Variants in CAMK1D observed in about 807,000 individuals in gnomAD.
CAMK1D encodes calcium/calmodulin-dependent protein kinase type 1D.
Under a neutral mutation model 47.7 loss-of-function variants are expected in CAMK1D, and 9 were observed. The ratio of observed to expected loss-of-function variants is 0.19; its 90% CI spans 0.11 to 0.33. The LOEUF is 0.33. Ranked by LOEUF, CAMK1D falls within the 10% of genes least tolerant of loss-of-function variation. CAMK1D has a pLI of 1.00. For synonymous variants in CAMK1D, 184 were observed against 184.9 expected (o/e 0.99, Z 0.04); for missense variants, 291 against 488.7 (o/e 0.60, Z 3.81).
intron 1 of CAMK1D, among the ~76,000 whole-genome samples, chr10:12,469,641 A>T (rs1467946350): frequency 6.6e-6 from 1 of 152,220 alleles, no homozygotes; most frequent in East Asian, 1.9e-4. Flanking sequence ...CTAATATCAT[A>T]AAAAGCTTTT....
chr10:12,499,093 A>C (rs1834625681), intron 1 of CAMK1D, among the ~76,000 whole-genome samples: 1 of 131,430 alleles, frequency 7.6e-6, no homozygotes, highest in African/African-American at 2.9e-5. Flanking sequence ...TTTTGCATCG[A>C]TATTGAACTT....
chr10:12,547,584 T>C (rs1420920854), intron 1 of CAMK1D, among the ~76,000 whole-genome samples: 1 of 151,872 alleles, frequency 6.6e-6, no homozygotes, highest in Non-Finnish European at 1.5e-5. Context: ...TTGGGGGAAG[T>C]CTTTATAGGT....
chr10:12,570,032 T>A (rs533433747), intron 2 of CAMK1D, among the ~76,000 whole-genome samples: 1 of 151,866 alleles, frequency 6.6e-6, no homozygotes, highest in African/African-American at 2.4e-5. Flanking sequence ...AAACCGCATC[T>A]CAACTAAAAA....
chr10:12,768,007 G>C (rs1836858899), intron 4 of CAMK1D, among the ~76,000 whole-genome samples: 2 of 152,136 alleles, frequency 1.3e-5, no homozygotes, highest in African/African-American at 4.8e-5. Context: ...CAAGTAGCTG[G>C]GATTACAGGC....
intron 2 of CAMK1D, among the ~76,000 whole-genome samples, chr10:12,659,337 T>C (rs1318254440): frequency 6.6e-6 from 1 of 152,044 alleles, no homozygotes; most frequent in Admixed American, 6.6e-5. Flanking sequence ...GCACGGAAAA[T>C]GGATAGGAAG....
At position 12,416,094 on chromosome 10, in the gene CAMK1D, G is replaced by A. The variant is rs1403823043; in HGVS notation, c.92+66184G>A. On this transcript the variant is annotated intron_variant, in intron 1 of 10. Transcript: ENST00000619168. The stretch of plus-strand genomic sequence containing the variant: ...TGATTGTGGGTTAGTCTTGTGCTAC[G>A]ACGTGCAGTATTTCAGAATAAAAGG... 4 of 152,096 alleles carry A rather than the reference G, an allele frequency of 2.6e-5. No individual in the cohort carries two copies. The East Asian group carries it at 5.8e-4, about 22-fold the overall frequency. 9.4% of individuals were successfully genotyped at this position (152,096 alleles called of 1,614,324 possible).
rs1212733154 is a variant in CAMK1D, at chr10:12,349,847, C to T, written c.29C>T (p.Ser10Phe). The T allele has an allele frequency of 1.3e-6, 2 of 1,533,248 alleles. No individual in the cohort carries two copies. The highest frequency in any genetic ancestry group is 1.4e-5 in the African/African-American group (1 of 69,508). The allele number at this position is 1,533,248 out of a possible 1,614,324, so 95.0% of individuals were successfully genotyped here. A position where few individuals can be genotyped will look rare whatever the true frequency, so the allele number is the denominator to read the frequency against. Residue 10 changes from serine to phenylalanine, a missense_variant, in exon 1 of 11, where the codon TCC (serine) becomes TTC (phenylalanine). By Grantham distance (155) the Ser-to-Phe change is radical (BLOSUM62 -2). This residue lies in a region of CAMK1D where 219 missense variants were observed against 424.3 expected (regional missense o/e 0.52). Coordinates refer to ENST00000619168, the MANE Select transcript of CAMK1D (RefSeq NM_153498.4). MARENGESS[S>F]SWKKQAEDIK... is the part of the protein sequence containing the mutation. ...GCCCGGGAGAACGGCGAGAGCAGCTCCTCCTGGAAAAAGCAAGCTGAAGAC... is the reference window on the plus strand; with the variant it reads ...GCCCGGGAGAACGGCGAGAGCAGCTTCTCCTGGAAAAAGCAAGCTGAAGAC...
rs1234644881 is a variant in CAMK1D at position 12,695,088 on chromosome 10, A to C, written c.299+28278A>C. Among the ~76,000 whole-genome samples the C allele has an allele frequency of 2.1e-5, 3 of 143,234 alleles. No homozygotes were observed. In the Admixed American group the frequency reaches 2.1e-4, roughly 10 times the overall value. 94.0% of individuals were successfully genotyped at this position (143,234 alleles called of 152,430 possible). ...GATACATAGGTAGATACATAGATAC[A>C]TAGATATAGGGTAGATTGATCCTAT... On this transcript the variant is annotated intron_variant, in intron 3 of 10. Coordinates refer to ENST00000619168, the MANE Select transcript of CAMK1D (RefSeq NM_153498.4).
At chr10:12,803,655 A>C (rs1838582831) in intron 6 of CAMK1D, among the ~76,000 whole-genome samples, 1 of 151,744 alleles carries the variant, frequency 6.6e-6, no homozygotes, top group Admixed American at 6.6e-5. Flanking sequence ...ACTCCATCTC[A>C]AAAATAATAA....
intron 1 of CAMK1D, among the ~76,000 whole-genome samples, chr10:12,429,383 A>G (rs1840364178): frequency 6.6e-6 from 1 of 151,984 alleles, no homozygotes; most frequent in Admixed American, 6.6e-5. Context: ...TTTGTCACCC[A>G]GGCTGGAGTG....
rs1318195559 is a variant in CAMK1D at position 12,828,976 on chromosome 10, C to T, written c.*89C>T. The T allele has an allele frequency of 5.5e-6, 5 of 904,148 alleles. No homozygotes were observed. In the African/African-American group the frequency reaches 8.5e-5, roughly 15 times the overall value. The allele number at this position is 904,148 out of a possible 1,614,324, so 56.0% of individuals were successfully genotyped here. Reference sequence around the variant, plus strand: ...CGCGAGCCACTCCAGCGAGACCCCACCTTGCATGGTGCCCCTTCCTGCATA... The same window carrying T: ...CGCGAGCCACTCCAGCGAGACCCCATCTTGCATGGTGCCCCTTCCTGCATA... On this transcript the variant is annotated 3_prime_UTR_variant, in exon 11 of 11. Transcript: ENST00000619168.
chr10:12,355,869 G>C (rs1405318195), intron 1 of CAMK1D, among the ~76,000 whole-genome samples: 1 of 152,214 alleles, frequency 6.6e-6, no homozygotes, highest in Non-Finnish European at 1.5e-5. Flanking sequence ...GGGCAAAGAA[G>C]GGAAAGGAAC....
intron 1 of CAMK1D, among the ~76,000 whole-genome samples, chr10:12,485,657 C>T (rs950428570): frequency 4.6e-5 from 7 of 152,192 alleles, no homozygotes; most frequent in African/African-American, 1.7e-4. Context: ...CCGCTCAAAA[C>T]TCTAATTCAG....
rs1334614122 is a variant in CAMK1D at position 12,749,570 on chromosome 10, G to GTTT, written c.300-11377_300-11375dup. Reference sequence around the variant, plus strand: ...TTGTTTTTTGTTTGTTTGTTTGTTTGTTTGTTTTGATGAAGTCTCGCTCTG... The same window carrying GTTT: ...TTGTTTTTTGTTTGTTTGTTTGTTTGTTTTTTGTTTTGATGAAGTCTCGCTCTG... On this transcript the variant is annotated intron_variant, in intron 3 of 10. Transcript: ENST00000619168. Among the ~76,000 whole-genome samples, 141 of 119,416 alleles carry GTTT rather than the reference G, an allele frequency of 1.2e-3. 1 individual carries two copies. Among genetic ancestry groups the GTTT allele is most frequent in the African/African-American group, 4.9e-3 (138 of 28,098 alleles). The allele number at this position is 119,416 out of a possible 152,430, so 78.3% of individuals were successfully genotyped here.
intron 1 of CAMK1D, among the ~76,000 whole-genome samples, chr10:12,406,632 A>G (rs2131930737): frequency 6.7e-6 from 1 of 148,166 alleles, no homozygotes; most frequent in Admixed American, 6.9e-5. Context: ...CTGAGGCACA[A>G]GAATTGGTTG....
chr10:12,635,932 A>G (rs181391838), intron 2 of CAMK1D, among the ~76,000 whole-genome samples: 24 of 152,356 alleles, frequency 1.6e-4, no homozygotes, highest in Non-Finnish European at 2.8e-4. Context: ...CAAGAAAACT[A>G]TCCTATTTAA....
chr10:12,809,340 A>G (rs180990437), intron 6 of CAMK1D, among the ~76,000 whole-genome samples: 1 of 152,228 alleles, frequency 6.6e-6, no homozygotes, highest in East Asian at 1.9e-4. Flanking sequence ...TCTATGGAAA[A>G]CAGTGTGGCA....
intron 1 of CAMK1D, among the ~76,000 whole-genome samples, chr10:12,451,445 G>T (rs1239164146): frequency 6.6e-6 from 1 of 152,162 alleles, no homozygotes; most frequent in Non-Finnish European, 1.5e-5. Context: ...CTTCACTCTT[G>T]CCCTCTTCTT....
At chr10:12,599,050 T>C (rs1284585792) in intron 2 of CAMK1D, among the ~76,000 whole-genome samples, 1 of 152,172 alleles carries the variant, frequency 6.6e-6, no homozygotes, top group African/African-American at 2.4e-5. Flanking sequence ...GACCTGCCCA[T>C]GATTTAGGAA....
Sources: allele counts gnomAD v4.1 joint callset (sites outside exome capture counted in the v4.1 genomes callset), GRCh38; gene constraint gnomAD v4.1.1; regional missense constraint gnomAD v4.1.1; transcripts MANE v1.5; gene names NCBI Gene and HGNC (gene_info 2026-07-23, HGNC 2026-07-21).